The following DMD variants were observed in gnomAD, a reference collection of about 807,000 sequenced individuals.
DMD encodes the protein mutant dystrophin.
A neutral mutation model predicts 330.1 loss-of-function variants in DMD; 63 were observed. That is an observed-to-expected ratio of 0.19 (90% CI 0.16 to 0.24). The LOEUF is 0.24. Among genes scored for constraint, DMD ranks in the 10% least tolerant of loss-of-function variants. DMD has a pLI of 1.00. For synonymous variants in DMD, 1,223 were observed against 959.8 expected, an observed-to-expected ratio of 1.27 and a Z score of -5.07; for missense variants, 3,344 against 2,684.1, an observed-to-expected ratio of 1.25 and a Z score of -5.43.
chrX:32,059,246 A>T (rs2096205022), intron 44 of DMD, among the ~76,000 whole-genome samples: 1 of 111,591 alleles, frequency 9.0e-6, no homozygotes, highest in Admixed American at 9.6e-5. Flanking sequence ...TCATTAAAAA[A>T]ATAAAAACAA....
rs140900376 is a variant in DMD, at chrX:32,620,973, A to G, written c.1332-6520T>C. ...AAATATACAATTATTGAGTACCTGGATACTACGGATGGAGAGGCAAGGAAG... is the reference window on the plus strand; with the variant it reads ...AAATATACAATTATTGAGTACCTGGGTACTACGGATGGAGAGGCAAGGAAG... On this transcript the variant is annotated intron_variant, in intron 11 of 78. Coordinates refer to ENST00000357033, the MANE Select transcript of DMD (RefSeq NM_004006.3). Among the ~76,000 whole-genome samples the G allele has an allele frequency of 1.4e-3, 157 of 111,294 alleles. 1 individual carries two copies. The highest frequency in any genetic ancestry group is 4.9e-3 in the African/African-American group (150 of 30,658).
chrX:32,403,542 T>C (rs2098099374), intron 30 of DMD, among the ~76,000 whole-genome samples: 1 of 111,913 alleles, frequency 8.9e-6, no homozygotes, highest in African/African-American at 3.2e-5. Context: ...GTACAGGTTG[T>C]CCAAGTACAG....
At chrX:32,779,254 GCA>G (rs1408135140) in intron 7 of DMD, among the ~76,000 whole-genome samples, 1 of 103,999 alleles carries the variant, frequency 9.6e-6, no homozygotes, top group South Asian at 4.0e-4. Context: ...TGATTTTACT[GCA>G]CACACACAGA....
At chrX:31,595,951 GTTAAA>G (rs1212391699) in intron 55 of DMD, among the ~76,000 whole-genome samples, 5 of 110,609 alleles carry the variant, frequency 4.5e-5, no homozygotes, top group Non-Finnish European at 9.5e-5. Flanking sequence ...ATCCTTTCAT[GTTAAA>G]TTAATTTACA....
chrX:32,411,955 CTT>C, intron 29 of DMD, 42 bp from the exon 30 acceptor site: 2 of 1,197,498 alleles, frequency 1.7e-6, no homozygotes, highest in South Asian at 1.8e-5. Flanking sequence ...AATGTTTACT[CTT>C]GATAGCTTTT....
At chrX:32,127,266 C>T (rs2096665960) in intron 44 of DMD, among the ~76,000 whole-genome samples, 1 of 111,749 alleles carries the variant, frequency 8.9e-6, no homozygotes, top group African/African-American at 3.3e-5. Flanking sequence ...AGGACTCTTA[C>T]CTCCGTTTCT....
chrX:32,288,293 T>C (rs1465747465), intron 42 of DMD, among the ~76,000 whole-genome samples: 1 of 111,814 alleles, frequency 8.9e-6, no homozygotes, highest in East Asian at 2.8e-4. Context: ...CAATTACTGA[T>C]TTCAATTGAA....
chrX:33,303,404 A>T (rs2053697411), intron 1 of DMD, among the ~76,000 whole-genome samples: 1 of 112,001 alleles, frequency 8.9e-6, no homozygotes, highest in African/African-American at 3.2e-5. Flanking sequence ...CTTTCCACCG[A>T]AGAGACTTAC....
At chrX:32,801,391 T>G (rs73621838) in intron 7 of DMD, among the ~76,000 whole-genome samples, 11,971 of 110,688 alleles carry the variant, frequency 0.11, 1,526 homozygotes, top group African/African-American at 0.36. Context: ...TAAATTTGTT[T>G]CTTGTAGATT....
intron 59 of DMD, among the ~76,000 whole-genome samples, chrX:31,471,807 C>T (rs2067322095): frequency 8.9e-6 from 1 of 112,048 alleles, no homozygotes; most frequent in African/African-American, 3.2e-5. Context: ...ATCACCAGTA[C>T]ATAAACATTC....
chrX:32,512,017 AT>A (rs1161333040), intron 18 of DMD, among the ~76,000 whole-genome samples: 1 of 111,883 alleles, frequency 8.9e-6, no homozygotes, highest in Non-Finnish European at 1.9e-5. Flanking sequence ...GCTCATGAAA[AT>A]TCTTAGAGAT....
chrX:31,592,988 A>G (rs2076947929), intron 55 of DMD, among the ~76,000 whole-genome samples: 1 of 111,160 alleles, frequency 9.0e-6, no homozygotes, highest in South Asian at 3.8e-4. Flanking sequence ...CTATGAAGAG[A>G]GTTTAGACCA....
rs139311811 is a variant in DMD, at chrX:31,458,808, A to G, written c.8938-14181T>C. 2.6e-3 allele frequency among the ~76,000 whole-genome samples: 291 copies of G among 110,590 alleles called. 3 individuals carry two copies. The highest frequency in any genetic ancestry group is 8.5e-3 in the African/African-American group (258 of 30,502). The stretch of plus-strand genomic sequence containing the variant: ...CAGATTTCACCAAGACCCCTCTTGC[A>G]TACAACAATCAACCCCAAACCCTAG... On this transcript the variant is annotated intron_variant, in intron 59 of 78. Transcript: ENST00000357033.
chrX:32,562,956 G>C (rs1010624886), intron 16 of DMD, among the ~76,000 whole-genome samples: 1 of 111,780 alleles, frequency 8.9e-6, no homozygotes, highest in East Asian at 2.8e-4. Flanking sequence ...CTCAAGCTTA[G>C]TGTTCTGGAA....
At chrX:31,346,958 G>A (rs1336892553) in intron 61 of DMD, among the ~76,000 whole-genome samples, 8 of 80,584 alleles carry the variant, frequency 9.9e-5, no homozygotes, top group Non-Finnish European at 1.5e-4. Flanking sequence ...CCAAGATCAC[G>A]CCACTGCACT....
chrX:31,932,043 C>G, intron 46 of DMD, 37 bp downstream of exon 46: 3 of 1,199,060 alleles, frequency 2.5e-6, no homozygotes, highest in Non-Finnish European at 3.4e-6. Flanking sequence ...CTTCTTTATG[C>G]AAGCAGGCCC....
At chrX:32,184,243 G>A (rs1286978450) in intron 44 of DMD, among the ~76,000 whole-genome samples, 1 of 109,896 alleles carries the variant, frequency 9.1e-6, no homozygotes, top group Non-Finnish European at 1.9e-5. Flanking sequence ...AATTATTAAC[G>A]TGCAATTGAC....
intron 63 of DMD, among the ~76,000 whole-genome samples, chrX:31,227,856 C>T (rs1163833805): frequency 3.6e-5 from 4 of 110,279 alleles, no homozygotes; most frequent in African/African-American, 6.6e-5. Context: ...TGGAACCAAC[C>T]CAAATGTCCA....
chrX:32,230,843 A>G (rs1043464956), intron 43 of DMD, among the ~76,000 whole-genome samples: 2 of 112,068 alleles, frequency 1.8e-5, no homozygotes, highest in Non-Finnish European at 3.8e-5. Flanking sequence ...TAAGTGCTCA[A>G]TGGTGGCAAT....
Sources: allele counts gnomAD v4.1 joint callset (sites outside exome capture counted in the v4.1 genomes callset), GRCh38; gene constraint gnomAD v4.1.1; transcripts MANE v1.5; gene names NCBI Gene and HGNC (gene_info 2026-07-23, HGNC 2026-07-21).